Variants in TNFRSF9 observed in about 807,000 individuals in gnomAD.
The protein encoded by TNFRSF9 is TNF receptor superfamily member 9, also known as tumor necrosis factor receptor superfamily member 9.
TNFRSF9 carries 16 observed loss-of-function variants against 28.8 expected under a neutral mutation model. The ratio of observed to expected loss-of-function variants is 0.55; its 90% confidence interval spans 0.38 to 0.84. The LOEUF (loss-of-function observed/expected upper bound fraction) is 0.84. Ranked by LOEUF, TNFRSF9 falls within the 40% of genes least tolerant of loss-of-function variation. TNFRSF9 has a pLI of 0.00. For missense variants in TNFRSF9, 303 were observed against 315.0 expected (o/e 0.96, Z 0.29); for synonymous variants, 131 against 117.0 (o/e 1.12, Z -0.77).
chr1:7,935,063 A>G lies in TNFRSF9; in HGVS notation c.494T>C (p.Leu165Pro), dbSNP rs766869142. The change falls in exon 6 of 8, where the codon CTC (leucine) becomes CCC (proline). Residue 165 changes from leucine to proline, a missense_variant. Coordinates refer to ENST00000377507, the MANE Select transcript of TNFRSF9 (RefSeq NM_001561.6). ...DVVCGPSPAD[L>P]SPGASSVTPP... is the part of the protein sequence containing the mutation. The stretch of plus-strand genomic sequence containing the variant: ...GGTCACAGAGGATGCTCCCGGAGAG[A>G]GGTCGGCTGGAGATGGTCCACAGAC... 9 of 1,614,230 alleles carry G rather than the reference A, an allele frequency of 5.6e-6. No individual in the cohort carries two copies. In the South Asian group the frequency reaches 8.8e-5, roughly 16 times the overall value.
intron 6 of TNFRSF9, 114 bp from the exon 7 acceptor site, chr1:7,933,410 C>T: frequency 1.6e-6 from 2 of 1,252,868 alleles, no homozygotes; most frequent in Non-Finnish European, 2.2e-6. Context: ...CAGCCTTGGG[C>T]ATCTCCAACC....
chr1:7,916,549 G>A lies in TNFRSF9; in HGVS notation c.*4286C>T, dbSNP rs1639479995. On this transcript the variant is annotated 3_prime_UTR_variant, in exon 8 of 8. Transcript: ENST00000377507. ...ATTATCTTGGATACCCCAACCCTGT[G>A]GGGCATGACCAGTCTCTTTCTGTTT... 2 of 152,154 alleles carry A rather than the reference G, an allele frequency of 1.3e-5. No homozygotes were observed. The highest frequency in any genetic ancestry group is 2.9e-5 in the Non-Finnish European group (2 of 68,040). 9.4% of individuals were successfully genotyped at this position (152,154 alleles called of 1,614,324 possible). A position where few individuals can be genotyped will look rare whatever the true frequency, so the allele number is the denominator to read the frequency against.
rs76203739 is a variant in TNFRSF9 at position 7,920,648 on chromosome 1, C to CAA, written c.*185_*186dup. On this transcript the variant is annotated 3_prime_UTR_variant, in exon 8 of 8. Transcript: ENST00000377507. The stretch of plus-strand genomic sequence containing the variant: ...CCTGGGTGACAGAGTGAGACCCTGT[C>CAA]AAAAAAAAAAAAAAAGTGGTGCATT... 5,317 of 405,098 alleles carry CAA rather than the reference C, an allele frequency of 0.013. No homozygotes were observed. The highest frequency in any genetic ancestry group is 0.015 in the Non-Finnish European group (3,413 of 231,566). The allele number at this position is 405,098 out of a possible 1,614,324, so 25.1% of individuals were successfully genotyped here. A position where few individuals can be genotyped will look rare whatever the true frequency, so the allele number is the denominator to read the frequency against.
chr1:7,939,933 G>C lies in TNFRSF9; in HGVS notation c.62C>G (p.Thr21Arg), dbSNP rs1639876964. The C allele has an allele frequency of 6.2e-7, 1 of 1,606,238 alleles. No individual in the cohort carries two copies. Residue 21 changes from threonine to arginine, a missense_variant, in exon 2 of 8, where the codon ACA becomes AGA. Thr to Arg is a moderately conservative substitution (Grantham distance 71). Transcript: ENST00000377507. ...TLLLVLNFER[T>R]RSLQDPCSNC... Reference sequence around the variant, plus strand: ...ACTACAAGGATCCTGCAATGATCTTGTCCTCTCAAAGTTGAGGACCAGCAA... The same window carrying C: ...ACTACAAGGATCCTGCAATGATCTTCTCCTCTCAAAGTTGAGGACCAGCAA...
chr1:7,924,321 ATATATATATATAT>A (rs1639606322), intron 7 of TNFRSF9, among the ~76,000 whole-genome samples: 1 of 119,328 alleles, frequency 8.4e-6, no homozygotes, highest in Admixed American at 9.3e-5. Flanking sequence ...ATATATATAT[ATATATATATATAT>A]AACCAGTTAA....
chr1:7,922,271 T>C (rs1242705898), intron 7 of TNFRSF9, among the ~76,000 whole-genome samples: 1 of 152,188 alleles, frequency 6.6e-6, no homozygotes. Flanking sequence ...TTGAAATTGT[T>C]CCCAGGTTGA....
chr1:7,921,338 A>AAAAAC (rs143263936), intron 7 of TNFRSF9, among the ~76,000 whole-genome samples: 46,724 of 139,870 alleles, frequency 0.33, 8,706 homozygotes, highest in Middle Eastern at 0.54. Flanking sequence ...CTCTGTCTCA[A>AAAAAC]AAAACAAAAC....
chr1:7,934,887 G>T, intron 6 of TNFRSF9, 126 bp downstream of exon 6: 1 of 1,259,956 alleles, frequency 7.9e-7, no homozygotes, highest in Non-Finnish European at 1.1e-6. Context: ...GTCCCTGAGG[G>T]CAGGATTCAG....
rs149613995 is a variant in TNFRSF9, at chr1:7,938,810, T to C, written c.119A>G (p.Asn40Ser). The C allele has an allele frequency of 1.9e-6, 3 of 1,613,372 alleles. No homozygotes were observed. The highest frequency in any genetic ancestry group is 2.5e-6 in the Non-Finnish European group (3 of 1,179,478). Residue 40 changes from asparagine to serine, a missense_variant, in exon 3 of 8, where the codon AAC (asparagine) becomes AGC (serine). By Grantham distance (46) the Asn-to-Ser change is conservative. Coordinates refer to ENST00000377507, the MANE Select transcript of TNFRSF9 (RefSeq NM_001561.6). ...ACAGGGACTGCAAATCTGATTCCTG[T>C]TATTATCACAGAATGTACCTAAGAA... is the stretch of plus-strand genomic sequence containing the variant. ...NCPAGTFCDN[N>S]RNQICSPCPP...
chr1:7,932,094 G>T (rs1477446090), intron 7 of TNFRSF9, among the ~76,000 whole-genome samples: 1 of 152,064 alleles, frequency 6.6e-6, no homozygotes, highest in African/African-American at 2.4e-5. Flanking sequence ...CCGGGATCAC[G>T]CCATTGCACT....
In TNFRSF9 at chr1:7,918,404, G is replaced by A. The variant is rs1639510740; in HGVS notation, c.*2431C>T. On this transcript the variant is annotated 3_prime_UTR_variant, in exon 8 of 8. Transcript: ENST00000377507. The stretch of plus-strand genomic sequence containing the variant: ...TTGGGTTTGTTTGTTTCTGAGAAAA[G>A]GTTTTTCTCTGTTGCCCAGGCTGAA... 6.6e-6 allele frequency: 1 copy of A among 151,980 alleles called. No individual in the cohort carries two copies. The highest frequency in any genetic ancestry group is 2.4e-5 in the African/African-American group (1 of 41,386). The allele number at this position is 151,980 out of a possible 1,614,324, so 9.4% of individuals were successfully genotyped here.
At chr1:7,925,663 A>G (rs973344968) in intron 7 of TNFRSF9, among the ~76,000 whole-genome samples, 1 of 152,196 alleles carries the variant, frequency 6.6e-6, no homozygotes, top group Non-Finnish European at 1.5e-5. Flanking sequence ...TCCTACAACT[A>G]GACAGTCCCA....
At chr1:7,926,776 G>A (rs1639661589) in intron 7 of TNFRSF9, among the ~76,000 whole-genome samples, 1 of 152,148 alleles carries the variant, frequency 6.6e-6, no homozygotes, top group Non-Finnish European at 1.5e-5. Context: ...ATAGCCCCAC[G>A]TAATTGCAGC....
chr1:7,934,690 G>A (rs1639791419), intron 6 of TNFRSF9, among the ~76,000 whole-genome samples: 1 of 151,756 alleles, frequency 6.6e-6, no homozygotes, highest in Non-Finnish European at 1.5e-5. Flanking sequence ...GCCTGGCACA[G>A]AGCAAGACAC....
chr1:7,921,512 C>T (rs1639558718), intron 7 of TNFRSF9, among the ~76,000 whole-genome samples: 1 of 147,932 alleles, frequency 6.8e-6, no homozygotes, highest in Non-Finnish European at 1.5e-5. Context: ...CTAAAAATAC[C>T]AAAAAAATTA....
At position 7,933,299 on chromosome 1, in the gene TNFRSF9, G is replaced by A; in HGVS notation, c.545-3C>T. On this transcript the variant is annotated splice_polypyrimidine_tract_variant and splice_region_variant and intron_variant, in intron 6 of 7. Coordinates refer to ENST00000377507, the MANE Select transcript of TNFRSF9 (RefSeq NM_001561.6). ...GGAGATGATCTGCGGAGAGTGTCCT[G>A]CAAAACACAGCAAAAGGAGAAACGC... 4.3e-6 allele frequency: 7 copies of A among 1,610,682 alleles called. No homozygotes were observed. The East Asian group carries it at 6.7e-5, about 15-fold the overall frequency.
At chr1:7,922,452 C>G (rs549543122) in intron 7 of TNFRSF9, among the ~76,000 whole-genome samples, 1 of 152,298 alleles carries the variant, frequency 6.6e-6, no homozygotes, top group South Asian at 2.1e-4. Flanking sequence ...TGCCTCATTT[C>G]CCTCTGACTG....
intron 7 of TNFRSF9, among the ~76,000 whole-genome samples, chr1:7,921,459 A>G (rs938072362): frequency 2.0e-5 from 3 of 152,000 alleles, no homozygotes; most frequent in Non-Finnish European, 4.4e-5. Flanking sequence ...CAAGGTCAGG[A>G]GTTCAAGACC....
intron 2 of TNFRSF9, among the ~76,000 whole-genome samples, chr1:7,939,537 C>G (rs1313373425): frequency 6.6e-6 from 1 of 152,182 alleles, no homozygotes; most frequent in African/African-American, 2.4e-5. Context: ...AAGCCCTTTA[C>G]TACGCGCTTA....
Sources: allele counts gnomAD v4.1 joint callset (sites outside exome capture counted in the v4.1 genomes callset), GRCh38; gene constraint gnomAD v4.1.1; transcripts MANE v1.5; gene names NCBI Gene and HGNC (gene_info 2026-07-23, HGNC 2026-07-21).